The following PSD3 variants were observed in gnomAD, a reference collection of about 807,000 sequenced individuals.
PSD3 encodes PH and SEC7 domain-containing protein 3.
PSD3 carries 49 observed loss-of-function variants against 105.5 expected under a neutral mutation model. That is an observed-to-expected ratio of 0.46 (90% CI 0.37 to 0.59). PSD3 has a LOEUF of 0.59. Among genes scored for constraint, PSD3 ranks in the 20% least tolerant of loss-of-function variants. The pLI is 0.00. For missense variants in PSD3, 1,561 were observed against 1,263.8 expected (o/e 1.24, Z -3.57); for synonymous variants, 557 against 457.8 (o/e 1.22, Z -2.77).
intron 11 of PSD3, among the ~76,000 whole-genome samples, chr8:18,606,113 G>A (rs900103137): frequency 9.9e-5 from 15 of 152,112 alleles, no homozygotes; most frequent in South Asian, 6.2e-4. Flanking sequence ...GCTGTTCTTT[G>A]AGCTTCCTGT....
chr8:19,020,187 A>G (rs1827319728), intron 1 of PSD3, among the ~76,000 whole-genome samples: 1 of 152,202 alleles, frequency 6.6e-6, no homozygotes, highest in Non-Finnish European at 1.5e-5. Context: ...GCTTGGGAAG[A>G]CAGAAAATAA....
intron 8 of PSD3, among the ~76,000 whole-genome samples, chr8:18,771,034 G>C (rs1807473454): frequency 6.6e-6 from 1 of 152,322 alleles, no homozygotes; most frequent in East Asian, 1.9e-4. Flanking sequence ...ATTCTTCTCA[G>C]AAGTTATGCT....
intron 2 of PSD3, among the ~76,000 whole-genome samples, chr8:18,903,685 T>A (rs1819656337): frequency 6.6e-6 from 1 of 152,174 alleles, no homozygotes; most frequent in South Asian, 2.1e-4. Context: ...GGGACCAATG[T>A]GCTCCTTCAG....
intron 9 of PSD3, among the ~76,000 whole-genome samples, chr8:18,747,599 G>C (rs1438835388): frequency 6.6e-6 from 1 of 152,186 alleles, no homozygotes; most frequent in Non-Finnish European, 1.5e-5. Flanking sequence ...CAGTGTCTCT[G>C]AATCTGAAAG....
intron 1 of PSD3, chr8:19,001,691 G>A (rs2129474423): frequency 6.6e-6 from 1 of 152,494 alleles, no homozygotes; most frequent in South Asian, 2.1e-4. Context: ...CCAGTGTCTT[G>A]GATCTCAAGG....
At chr8:18,809,417 T>C (rs1811497250) in intron 4 of PSD3, among the ~76,000 whole-genome samples, 1 of 152,188 alleles carries the variant, frequency 6.6e-6, no homozygotes, top group South Asian at 2.1e-4. Flanking sequence ...AAGGACCAGA[T>C]CATTGACTCT....
chr8:18,678,565 G>A (rs540724291), intron 9 of PSD3, among the ~76,000 whole-genome samples: 1 of 152,290 alleles, frequency 6.6e-6, no homozygotes, highest in East Asian at 1.9e-4. Flanking sequence ...TAATCCCAAC[G>A]CTTTGGGAGG....
intron 2 of PSD3, among the ~76,000 whole-genome samples, chr8:18,913,019 T>C (rs879379939): frequency 9.3e-5 from 14 of 150,262 alleles, no homozygotes; most frequent in African/African-American, 3.2e-4. Flanking sequence ...ATTTCAATAA[T>C]TGTGTGATCA....
chr8:18,792,321 C>T (rs560380601), intron 8 of PSD3, among the ~76,000 whole-genome samples: 1 of 152,224 alleles, frequency 6.6e-6, no homozygotes, highest in African/African-American at 2.4e-5. Flanking sequence ...AACCTAAATG[C>T]TCATCAAGGG....
intron 1 of PSD3, among the ~76,000 whole-genome samples, chr8:19,047,518 G>T (rs1295275684): frequency 6.6e-6 from 1 of 152,138 alleles, no homozygotes; most frequent in Middle Eastern, 3.2e-3. Context: ...TGTGGAGGGG[G>T]TAAATGAATG....
chr8:18,810,109 T>C (rs77110767), intron 4 of PSD3, among the ~76,000 whole-genome samples: 1,925 of 152,288 alleles, frequency 0.013, 44 homozygotes, highest in African/African-American at 0.042. Flanking sequence ...CTTTTACGTA[T>C]GTTGTTCCCT....
chr8:18,700,086 C>T (rs1801491347), intron 9 of PSD3, among the ~76,000 whole-genome samples: 1 of 152,104 alleles, frequency 6.6e-6, no homozygotes, highest in Non-Finnish European at 1.5e-5. Flanking sequence ...TCAGTCAAAC[C>T]TTATTTTCAT....
At chr8:18,929,974 G>A (rs529015298) in intron 2 of PSD3, among the ~76,000 whole-genome samples, 3 of 152,162 alleles carry the variant, frequency 2.0e-5, no homozygotes, top group South Asian at 2.1e-4. Context: ...GTGGAAGATC[G>A]TACTTTAAAA....
rs147132133 is a variant in PSD3, at chr8:18,992,841, T to G, written c.21+20722A>C. 5.0e-4 allele frequency among the ~76,000 whole-genome samples: 74 copies of G among 147,732 alleles called. No homozygotes were observed. In the East Asian group the frequency reaches 0.014, roughly 28 times the overall value. ...CTGTTTCCTCATTTGCAAAATGACA[T>G]GAGACTCCAAGATTTCTAAGGTCCG... is the stretch of plus-strand genomic sequence containing the variant. On this transcript the variant is annotated intron_variant, in intron 1 of 15. Transcript: ENST00000327040.
intron 8 of PSD3, among the ~76,000 whole-genome samples, chr8:18,782,554 G>A (rs112578113): frequency 1.3e-5 from 2 of 152,204 alleles, no homozygotes; most frequent in East Asian, 1.9e-4. Context: ...TTAGGCAACA[G>A]TGATGGCAAC....
At chr8:18,655,197 T>C (rs76904712) in intron 10 of PSD3, among the ~76,000 whole-genome samples, 3 of 150,338 alleles carry the variant, frequency 2.0e-5, no homozygotes, top group South Asian at 4.2e-4. Flanking sequence ...GGAGTGGTGG[T>C]GGGCGCCTGT....
chr8:18,631,763 T>C (rs552059090), intron 11 of PSD3, among the ~76,000 whole-genome samples: 2 of 152,036 alleles, frequency 1.3e-5, no homozygotes, highest in African/African-American at 4.8e-5. Context: ...GCTAAGTCCA[T>C]GTCAAAGCCA....
chr8:18,602,136 A>AGC, intron 11 of PSD3, among the ~76,000 whole-genome samples: 1 of 152,240 alleles, frequency 6.6e-6, no homozygotes, highest in Non-Finnish European at 1.5e-5. Flanking sequence ...GTCCTGAAGT[A>AGC]CAAAGGCTTT....
At chr8:18,971,074 T>G (rs1400393152) in intron 1 of PSD3, among the ~76,000 whole-genome samples, 1 of 151,616 alleles carries the variant, frequency 6.6e-6, no homozygotes, top group African/African-American at 2.4e-5. Context: ...CATGCAGACC[T>G]CACATGTGCT....
Sources: allele counts gnomAD v4.1 joint callset (sites outside exome capture counted in the v4.1 genomes callset), GRCh38; gene constraint gnomAD v4.1.1; transcripts MANE v1.5; gene names NCBI Gene and HGNC (gene_info 2026-07-23, HGNC 2026-07-21).